Variants in SYN3 observed in about 807,000 individuals in gnomAD.
SYN3 encodes the protein synapsin III, also known as synapsin-3.
SYN3 carries 35 observed loss-of-function variants against 65.8 expected under a neutral mutation model. The ratio of observed to expected loss-of-function variants is 0.53; its 90% CI spans 0.41 to 0.70. The LOEUF (loss-of-function observed/expected upper bound fraction) is 0.70, where lower values mean the gene tolerates loss of function less well. Ranked by LOEUF, SYN3 falls within the 30% of genes least tolerant of loss-of-function variation. The probability of loss-of-function intolerance (pLI) is 0.00; values close to 1 mark genes in which losing one functional copy is unlikely to be tolerated. For missense variants in SYN3, 680 were observed against 749.0 expected (o/e 0.91, Z 1.08); for synonymous variants, 270 against 292.9 (o/e 0.92, Z 0.80).
intron 7 of SYN3, among the ~76,000 whole-genome samples, chr22:32,549,974 A>G (rs954762587): frequency 6.6e-6 from 1 of 152,208 alleles, no homozygotes; most frequent in East Asian, 1.9e-4. Flanking sequence ...GGTGACGGGG[A>G]TGGAGGCTAG....
At position 32,508,663 on chromosome 22, in the gene SYN3, G is replaced by C. The variant is rs9621473; in HGVS notation, c.*5029C>G. The stretch of plus-strand genomic sequence containing the variant: ...ACTGGGTTTTGGTTTGTTTGATTCT[G>C]TTCCTGGGCAAGTGACTTCCATATA... On this transcript the variant is annotated 3_prime_UTR_variant, in exon 14 of 14. Transcript: ENST00000358763. 2.6e-5 allele frequency among the ~76,000 whole-genome samples: 4 copies of C among 152,142 alleles called. No individual in the cohort carries two copies. Among genetic ancestry groups the C allele is most frequent in the African/African-American group, 9.6e-5 (4 of 41,470 alleles).
In SYN3 at chr22:32,801,904, C is replaced by T; in HGVS notation, c.711+63011G>A. 2 of 1,390,828 alleles carry T rather than the reference C, an allele frequency of 1.4e-6. No individual in the cohort carries two copies. The highest frequency in any genetic ancestry group is 1.9e-6 in the Non-Finnish European group (2 of 1,078,744). 86.2% of individuals were successfully genotyped at this position (1,390,828 alleles called of 1,614,324 possible). A position where few individuals can be genotyped will look rare whatever the true frequency, so the allele number is the denominator to read the frequency against. ...GCCAAGGTTGCCCCGCACGGCCCGG[C>T]GGGCGAGCGAGCTCGGGCTGCAGCA... On this transcript the variant is annotated intron_variant, in intron 6 of 13. Transcript: ENST00000358763. This position sits in a 1 kb window ranked among gnomAD's most constrained non-coding sequence, Gnocchi z 4.7.
At chr22:32,844,911 T>C (rs1055023381) in intron 6 of SYN3, among the ~76,000 whole-genome samples, 2 of 152,142 alleles carry the variant, frequency 1.3e-5, no homozygotes, top group Non-Finnish European at 1.5e-5. Flanking sequence ...TTATTTTTTA[T>C]AGAGACAAGG....
At chr22:32,703,944 A>T (rs1458224995) in intron 6 of SYN3, among the ~76,000 whole-genome samples, 3 of 152,208 alleles carry the variant, frequency 2.0e-5, no homozygotes, top group Non-Finnish European at 4.4e-5. Flanking sequence ...CATACAACTT[A>T]TGTACCTAAA....
intron 6 of SYN3, among the ~76,000 whole-genome samples, chr22:32,675,420 C>T (rs1027973413): frequency 8.1e-4 from 123 of 152,292 alleles, no homozygotes; most frequent in Middle Eastern, 3.4e-3. Context: ...CAGAGTGCAG[C>T]AACCTAGGGC....
At chr22:32,581,989 G>A (rs1244133465) in intron 7 of SYN3, among the ~76,000 whole-genome samples, 1 of 151,296 alleles carries the variant, frequency 6.6e-6, no homozygotes, top group African/African-American at 2.4e-5. Flanking sequence ...TAGTAGAGAT[G>A]GGTTTTCACC....
At chr22:32,893,885 C>CTT (rs2049517084) in intron 4 of SYN3, among the ~76,000 whole-genome samples, 1 of 152,128 alleles carries the variant, frequency 6.6e-6, no homozygotes, top group Non-Finnish European at 1.5e-5. Flanking sequence ...AGTCCTTCAA[C>CTT]AGTGCACATT....
intron 1 of SYN3, among the ~76,000 whole-genome samples, chr22:33,051,452 C>T (rs1463912629): frequency 6.6e-6 from 1 of 152,138 alleles, no homozygotes; most frequent in Non-Finnish European, 1.5e-5. Flanking sequence ...CCCTTCCCCA[C>T]ATCTACTCAT....
At chr22:32,933,807 A>G (rs548315164) in intron 3 of SYN3, among the ~76,000 whole-genome samples, 1 of 152,280 alleles carries the variant, frequency 6.6e-6, no homozygotes, top group African/African-American at 2.4e-5. Context: ...TAGGTGGCTT[A>G]TAACTGGGAA....
chr22:32,554,540 C>G (rs2058463330), intron 7 of SYN3, among the ~76,000 whole-genome samples: 1 of 152,136 alleles, frequency 6.6e-6, no homozygotes, highest in Non-Finnish European at 1.5e-5. Flanking sequence ...GCTCTCTGTC[C>G]TTAGGCATCC....
intron 6 of SYN3, chr22:32,862,537 A>G (rs1446294593): frequency 6.6e-6 from 1 of 152,190 alleles, no homozygotes; most frequent in Non-Finnish European, 1.5e-5. Flanking sequence ...GTGACAATTG[A>G]CAATCTGGAC....
At chr22:32,746,620 T>C (rs1428978159) in intron 6 of SYN3, among the ~76,000 whole-genome samples, 2 of 152,134 alleles carry the variant, frequency 1.3e-5, no homozygotes, top group East Asian at 3.9e-4. Flanking sequence ...CTCTGATTCT[T>C]CCAGCACAGG....
At chr22:32,699,574 A>G (rs5998589) in intron 6 of SYN3, among the ~76,000 whole-genome samples, 38,395 of 146,514 alleles carry the variant, frequency 0.26, 5,388 homozygotes, top group Middle Eastern at 0.36. Flanking sequence ...CCATGGACTC[A>G]CTGTGTGACC....
At chr22:32,556,135 T>TA (rs2058492041) in intron 7 of SYN3, among the ~76,000 whole-genome samples, 1 of 152,258 alleles carries the variant, frequency 6.6e-6, no homozygotes, top group Non-Finnish European at 1.5e-5. Context: ...AAAGAAGTAC[T>TA]AAGCAGATTC....
intron 6 of SYN3, among the ~76,000 whole-genome samples, chr22:32,681,281 A>G (rs995132254): frequency 6.6e-5 from 10 of 151,514 alleles, no homozygotes; most frequent in Admixed American, 1.3e-4. Context: ...GTGGGATGCT[A>G]CTGGCATCGA....
At chr22:32,541,787 T>C (rs1216097087) in intron 7 of SYN3, 74 bp from the exon 8 acceptor site, 7 of 1,536,372 alleles carry the variant, frequency 4.6e-6, no homozygotes, top group Non-Finnish European at 6.2e-6. Flanking sequence ...CAGGAACAAG[T>C]GCTCTGTCTA....
chr22:32,586,100 G>GTACATGTATGTA (rs1569065822), intron 7 of SYN3, among the ~76,000 whole-genome samples: 18 of 149,122 alleles, frequency 1.2e-4, no homozygotes, highest in African/African-American at 4.4e-4. Flanking sequence ...ATGTATATAT[G>GTACATGTATGTA]TATACATGTA....
chr22:32,834,318 A>T (rs1254484294), intron 6 of SYN3, among the ~76,000 whole-genome samples: 1 of 53,364 alleles, frequency 1.9e-5, no homozygotes, highest in East Asian at 8.0e-4. Flanking sequence ...ACATCTGGCT[A>T]ATTTATTTTT....
rs71320949 is a variant in SYN3 at position 32,710,111 on chromosome 22, A to ATATGTGTG, written c.712-113376_712-113375insCACACATA. 2.7e-4 allele frequency among the ~76,000 whole-genome samples: 37 copies of ATATGTGTG among 135,280 alleles called. No homozygotes were observed. In the East Asian group the frequency reaches 3.4e-3, roughly 12 times the overall value. 88.7% of individuals were successfully genotyped at this position (135,280 alleles called of 152,430 possible). A position where few individuals can be genotyped will look rare whatever the true frequency, so the allele number is the denominator to read the frequency against. ...CACACACACACACATGTGTGTGTGT[A>ATATGTGTG]TGTGTGTGTGTGTGTGTGTGTATTT... On this transcript the variant is annotated intron_variant, in intron 6 of 13. Transcript: ENST00000358763.
Sources: allele counts gnomAD v4.1 joint callset (sites outside exome capture counted in the v4.1 genomes callset), GRCh38; gene constraint gnomAD v4.1.1; non-coding constraint Gnocchi (gnomAD v3.1); transcripts MANE v1.5; gene names NCBI Gene and HGNC (gene_info 2026-07-23, HGNC 2026-07-21).